The following CRACD variants were observed in gnomAD, a reference collection of about 807,000 sequenced individuals.
CRACD encodes the protein capping protein-inhibiting regulator of actin dynamics.
Under a neutral mutation model 106.8 loss-of-function variants are expected in CRACD, and 56 were observed. The observed-to-expected ratio is 0.52, with a 90% CI of 0.42 to 0.66. The LOEUF is 0.66. Among genes scored for constraint, CRACD ranks in the 30% least tolerant of loss-of-function variants. CRACD has a pLI of 0.00. For missense variants in CRACD, 1,730 were observed against 1,623.2 expected (o/e 1.07, Z -1.13); for synonymous variants, 754 against 670.8 (o/e 1.12, Z -1.92).
At chr4:56,118,606 G>A (rs4864570) in intron 1 of CRACD, among the ~76,000 whole-genome samples, 1 of 152,092 alleles carries the variant, frequency 6.6e-6, no homozygotes, top group South Asian at 2.1e-4. Flanking sequence ...GAATGTTTAA[G>A]TAGGAAAAGA....
chr4:56,100,927 G>A (rs1339812323), intron 1 of CRACD, among the ~76,000 whole-genome samples: 1 of 152,034 alleles, frequency 6.6e-6, no homozygotes, highest in Non-Finnish European at 1.5e-5. Flanking sequence ...TTAGAGGGAA[G>A]TAAGTAAATG....
intron 10 of CRACD, among the ~76,000 whole-genome samples, chr4:56,326,181 G>A (rs1182966534): frequency 6.6e-6 from 1 of 152,122 alleles, no homozygotes; most frequent in African/African-American, 2.4e-5. Context: ...CAAAGTGCTG[G>A]GATTAAAGGC....
rs548391655 is a variant in CRACD at position 56,170,830 on chromosome 4, C to T, written c.-335-8454C>T. Among the ~76,000 whole-genome samples the T allele has an allele frequency of 7.2e-5, 11 of 152,218 alleles. No individual in the cohort carries two copies. In the East Asian group the frequency reaches 1.5e-3, roughly 21 times the overall value. ...CTCCAGACTGAGCAGCAGGATGAGA[C>T]CCTATCTCTTAAAAAACTATTACAT... On this transcript the variant is annotated intron_variant, in intron 1 of 10. Coordinates refer to ENST00000682029, the MANE Select transcript of CRACD (RefSeq NM_001393381.1).
At chr4:56,143,917 A>G (rs960626061) in intron 1 of CRACD, among the ~76,000 whole-genome samples, 9 of 152,202 alleles carry the variant, frequency 5.9e-5, no homozygotes, top group Non-Finnish European at 8.8e-5. Flanking sequence ...AAAAGAGGAA[A>G]TTAAAGCACA....
chr4:56,300,581 T>G (rs888510729), intron 4 of CRACD, among the ~76,000 whole-genome samples: 2 of 152,230 alleles, frequency 1.3e-5, no homozygotes, highest in African/African-American at 4.8e-5. Flanking sequence ...TCTTGCAATA[T>G]TATTCCTAAG....
At chr4:56,143,732 G>T (rs1735283491) in intron 1 of CRACD, among the ~76,000 whole-genome samples, 1 of 151,952 alleles carries the variant, frequency 6.6e-6, no homozygotes, top group Non-Finnish European at 1.5e-5. Context: ...TTTATTGTGG[G>T]TGCTATGTTT....
intron 1 of CRACD, among the ~76,000 whole-genome samples, chr4:56,071,856 G>A (rs111495803): frequency 6.6e-6 from 1 of 151,752 alleles, no homozygotes; most frequent in South Asian, 2.1e-4. Context: ...GGCCGGGCGC[G>A]GTGGCTCACG....
intron 1 of CRACD, among the ~76,000 whole-genome samples, chr4:56,105,843 T>A (rs1262563429): frequency 7.9e-5 from 12 of 152,216 alleles, no homozygotes; most frequent in Admixed American, 7.9e-4. Flanking sequence ...GCTCTTGCTG[T>A]TCTGCAAATT....
rs959090655 is a variant in CRACD, at chr4:56,329,893, A to G, written c.*2089A>G. 1.3e-5 allele frequency among the ~76,000 whole-genome samples: 2 copies of G among 152,184 alleles called. No individual in the cohort carries two copies. Among genetic ancestry groups the G allele is most frequent in the African/African-American group, 4.8e-5 (2 of 41,446 alleles). ...ATGTGTCAACTTTGTATTGGCTGGG[A>G]TATCACTGTGCCCAAACAAAACAGG... On this transcript the variant is annotated 3_prime_UTR_variant, in exon 11 of 11. Transcript: ENST00000682029.
chr4:56,273,230 C>A (rs938676140), intron 3 of CRACD, among the ~76,000 whole-genome samples: 3 of 152,144 alleles, frequency 2.0e-5, no homozygotes, highest in Non-Finnish European at 1.5e-5. Flanking sequence ...CCCTTCATAC[C>A]CCTGGCCATC....
chr4:56,252,121 A>G (rs1741090066), intron 2 of CRACD, among the ~76,000 whole-genome samples: 1 of 152,210 alleles, frequency 6.6e-6, no homozygotes, highest in Admixed American at 6.5e-5. Flanking sequence ...ATTGATTGCA[A>G]GGTTCACTAA....
intron 2 of CRACD, among the ~76,000 whole-genome samples, chr4:56,237,721 TACACACACAC>T (rs36207795): frequency 0.031 from 4,424 of 144,338 alleles, 206 homozygotes; most frequent in African/African-American, 0.099. Context: ...AGATATTACA[TACACACACAC>T]ACACACACAC....
intron 1 of CRACD, among the ~76,000 whole-genome samples, chr4:56,103,936 G>T (rs374186949): frequency 6.6e-6 from 1 of 152,056 alleles, no homozygotes; most frequent in Admixed American, 6.6e-5. Flanking sequence ...CACCAAGCCT[G>T]GCTAGTTTTT....
Position 56,313,396 on chromosome 4 carries a change from C to T in CRACD, c.537+17C>T, listed in dbSNP as rs1446601671. ...CTTGCCCAGGTGTGTAGAGCCTGCA[C>T]GGGCTGACCAGGCAGGTGCCCTTGC... On this transcript the variant is annotated intron_variant, in intron 7 of 10. Coordinates refer to ENST00000682029, the MANE Select transcript of CRACD (RefSeq NM_001393381.1). 3 of 1,602,300 alleles carry T rather than the reference C, an allele frequency of 1.9e-6. No homozygotes were observed. Among genetic ancestry groups the T allele is most frequent in the South Asian group, 1.1e-5 (1 of 90,330 alleles).
intron 1 of CRACD, among the ~76,000 whole-genome samples, chr4:56,082,555 A>G (rs935422626): frequency 6.6e-6 from 1 of 152,104 alleles, no homozygotes; most frequent in Non-Finnish European, 1.5e-5. Context: ...AGATTTGTGT[A>G]TGTTTTGGGT....
Position 56,316,534 on chromosome 4 carries a change from G to C in CRACD, c.3032G>C (p.Ser1011Thr). ...CCGTCCAAGGAGGACCAGGAGAGCA[G>C]TGACCGCCGGCCACCCTCGCCCCCA... The part of the protein sequence containing the change: ...SEPSKEDQES[S>T]DRRPPSPPGP... Residue 1011 changes from serine (S) to threonine (T), a missense_variant, in exon 8 of 11, where the codon AGT becomes ACT. By Grantham distance (58) the Ser-to-Thr change is moderately conservative. Coordinates refer to ENST00000682029, the MANE Select transcript of CRACD (RefSeq NM_001393381.1). 6.2e-7 allele frequency: 1 copy of C among 1,613,652 alleles called. No homozygotes were observed. Among genetic ancestry groups the C allele is most frequent in the African/African-American group, 1.3e-5 (1 of 75,058 alleles).
intron 2 of CRACD, among the ~76,000 whole-genome samples, chr4:56,218,082 T>C (rs189325949): frequency 6.6e-6 from 1 of 152,260 alleles, no homozygotes; most frequent in Admixed American, 6.5e-5. Context: ...TTCCCCTTTT[T>C]ACAAGGACAT....
intron 2 of CRACD, among the ~76,000 whole-genome samples, chr4:56,203,950 G>C (rs190714435): frequency 6.6e-6 from 1 of 152,216 alleles, no homozygotes; most frequent in East Asian, 1.9e-4. Context: ...GAGAATGAAA[G>C]AAATGTGTCC....
intron 2 of CRACD, among the ~76,000 whole-genome samples, chr4:56,272,094 G>C (rs908291449): frequency 1.3e-5 from 2 of 152,170 alleles, no homozygotes; most frequent in East Asian, 1.9e-4. Flanking sequence ...GAGCCTGGGG[G>C]ACAGACGATT....
Sources: allele counts gnomAD v4.1 joint callset (sites outside exome capture counted in the v4.1 genomes callset), GRCh38; gene constraint gnomAD v4.1.1; transcripts MANE v1.5; gene names NCBI Gene and HGNC (gene_info 2026-07-23, HGNC 2026-07-21).